The following DTNA variants were observed in gnomAD, a reference collection of about 807,000 sequenced individuals.
DTNA encodes dystrobrevin alpha.
Under a neutral mutation model 100.7 loss-of-function variants are expected in DTNA, and 43 were observed. That is an observed-to-expected ratio of 0.43 (90% CI 0.33 to 0.55). The LOEUF (loss-of-function observed/expected upper bound fraction) is 0.55, where lower values mean the gene tolerates loss of function less well. Among genes scored for constraint, DTNA ranks in the 20% least tolerant of loss-of-function variants. The probability of loss-of-function intolerance (pLI) is 0.04; values close to 1 mark genes in which losing one functional copy is unlikely to be tolerated. For synonymous variants in DTNA, 349 were observed against 347.9 expected (o/e 1.00, Z -0.04); for missense variants, 798 against 953.9 (o/e 0.84, Z 2.15).
chr18:34,495,177 C>T (rs2039052532), intron 1 of DTNA, among the ~76,000 whole-genome samples: 1 of 152,204 alleles, frequency 6.6e-6, no homozygotes, highest in African/African-American at 2.4e-5. Flanking sequence ...CTGACCACAT[C>T]TTTCTATGAA....
At position 34,842,516 on chromosome 18, in the gene DTNA, G is replaced by A. The variant is rs79540549; in HGVS notation, c.1346+3679G>A. On this transcript the variant is annotated intron_variant, in intron 13 of 22. Transcript: ENST00000444659. ...CACCATGGTGTACAAACCTGCATGTGACTTAGCCCTTGCCTACTCCTTTCT... is the reference window on the plus strand; with the variant it reads ...CACCATGGTGTACAAACCTGCATGTAACTTAGCCCTTGCCTACTCCTTTCT... Among the ~76,000 whole-genome samples the A allele has an allele frequency of 7.7e-3, 1,165 of 152,162 alleles. 11 individuals carry two copies. Among genetic ancestry groups the A allele is most frequent in the African/African-American group, 0.027 (1,102 of 41,524 alleles).
At chr18:34,499,192 T>C (rs1278712137) in intron 1 of DTNA, among the ~76,000 whole-genome samples, 1 of 152,230 alleles carries the variant, frequency 6.6e-6, no homozygotes, top group Non-Finnish European at 1.5e-5. Context: ...TCTATTTCTA[T>C]AATTTTGTCA....
intron 1 of DTNA, chr18:34,755,648 A>G: frequency 3.1e-6 from 1 of 318,610 alleles, no homozygotes; most frequent in Non-Finnish European, 6.0e-6. Context: ...TAAAATTGAA[A>G]GAGAAACTGA....
chr18:34,856,545 C>T (rs1428072512), intron 15 of DTNA, among the ~76,000 whole-genome samples: 1 of 152,158 alleles, frequency 6.6e-6, no homozygotes, highest in Non-Finnish European at 1.5e-5. Flanking sequence ...CTTGGCTAGA[C>T]CTAGCAAAGC....
At chr18:34,515,527 A>G (rs1453481239) in intron 1 of DTNA, among the ~76,000 whole-genome samples, 3 of 152,128 alleles carry the variant, frequency 2.0e-5, no homozygotes, top group African/African-American at 7.2e-5. Context: ...TTGTGAAATA[A>G]GCCTTGTATT....
At chr18:34,612,068 G>A (rs1244191073) in intron 1 of DTNA, among the ~76,000 whole-genome samples, 4 of 152,224 alleles carry the variant, frequency 2.6e-5, no homozygotes, top group African/African-American at 9.6e-5. Context: ...ACTGCAGCCA[G>A]CTGACACGGG....
chr18:34,889,476 C>T lies in DTNA; in HGVS notation c.*1742C>T. The T allele has an allele frequency of 7.1e-6, 7 of 985,398 alleles. No homozygotes were observed. Among genetic ancestry groups the T allele is most frequent in the Non-Finnish European group, 8.4e-6 (7 of 829,934 alleles). The allele number at this position is 985,398 out of a possible 1,614,324, so 61.0% of individuals were successfully genotyped here. On this transcript the variant is annotated 3_prime_UTR_variant, in exon 23 of 23. Transcript: ENST00000444659. ...CTGAAAAGGCCTTATTCAGAATAAG[C>T]AAGAAAGGTTCTGTGATTCACTTTT...
chr18:34,737,665 G>A (rs1294485451), intron 1 of DTNA: 1 of 152,152 alleles, frequency 6.6e-6, no homozygotes, highest in Admixed American at 6.5e-5. Context: ...GATTCATCCT[G>A]TGTGTTTACC....
At chr18:34,671,490 G>T (rs11660285) in intron 1 of DTNA, among the ~76,000 whole-genome samples, 17,941 of 152,160 alleles carry the variant, frequency 0.12, 1,143 homozygotes, top group Non-Finnish European at 0.14. Context: ...GCTCACGCTG[G>T]GAGCTGTAGA....
At chr18:34,764,970 G>T (rs2093392537) in intron 2 of DTNA, among the ~76,000 whole-genome samples, 1 of 152,198 alleles carries the variant, frequency 6.6e-6, no homozygotes, top group South Asian at 2.1e-4. Context: ...CTCATTCAAA[G>T]GAGGGTGGGA....
chr18:34,567,944 T>G (rs2047229622), intron 1 of DTNA, among the ~76,000 whole-genome samples: 1 of 152,166 alleles, frequency 6.6e-6, no homozygotes, highest in Non-Finnish European at 1.5e-5. Flanking sequence ...AAAATACAAT[T>G]TTATGTTATT....
intron 5 of DTNA, among the ~76,000 whole-genome samples, chr18:34,811,337 A>G (rs2095481542): frequency 6.6e-6 from 1 of 152,200 alleles, no homozygotes; most frequent in Admixed American, 6.5e-5. Context: ...CCTCTTCACT[A>G]CACGAGTCAG....
intron 1 of DTNA, among the ~76,000 whole-genome samples, chr18:34,537,159 T>C (rs996773491): frequency 6.6e-6 from 1 of 152,014 alleles, no homozygotes; most frequent in African/African-American, 2.4e-5. Context: ...TTTAATTTTT[T>C]AAATGCTGGT....
At chr18:34,586,989 T>TC (rs1438548488) in intron 1 of DTNA, among the ~76,000 whole-genome samples, 5 of 150,508 alleles carry the variant, frequency 3.3e-5, no homozygotes, top group African/African-American at 1.2e-4. Flanking sequence ...GGAGACAAGG[T>TC]CTTTCTCTGT....
Position 34,879,740 on chromosome 18 carries a change from A to G in DTNA, c.2162+21A>G, listed in dbSNP as rs2288085. On this transcript the variant is annotated intron_variant, in intron 20 of 22. Transcript: ENST00000444659. ...GACATGTGAGTATCTTCCGCTTGGA[A>G]GCATTTTCTCAGTAACAAAACAATC... 0.23 allele frequency: 369,192 copies of G among 1,612,842 alleles called. 45,337 individuals are homozygous for G. Among genetic ancestry groups the G allele is most frequent in the African/African-American group, 0.47 (34,943 of 74,860 alleles).
intron 4 of DTNA, among the ~76,000 whole-genome samples, chr18:34,801,924 C>T (rs1246276267): frequency 1.3e-5 from 2 of 152,320 alleles, no homozygotes; most frequent in South Asian, 2.1e-4. Flanking sequence ...CAAAGAAAGA[C>T]TTACATGGCC....
intron 1 of DTNA, among the ~76,000 whole-genome samples, chr18:34,560,858 G>T (rs2046568885): frequency 6.6e-6 from 1 of 152,180 alleles, no homozygotes; most frequent in South Asian, 2.1e-4. Flanking sequence ...AGATATGGAG[G>T]TTGCAGTGAG....
At chr18:34,688,393 A>G (rs2079217176) in intron 1 of DTNA, among the ~76,000 whole-genome samples, 1 of 152,154 alleles carries the variant, frequency 6.6e-6, no homozygotes, top group Admixed American at 6.6e-5. Flanking sequence ...TTTCTCCTTC[A>G]CTTATGAAGC....
At chr18:34,863,307 A>G (rs1397347952) in intron 16 of DTNA, among the ~76,000 whole-genome samples, 2 of 152,218 alleles carry the variant, frequency 1.3e-5, no homozygotes, top group Non-Finnish European at 2.9e-5. Context: ...ACAGTTTAAT[A>G]AAAGGTCTGT....
Sources: allele counts gnomAD v4.1 joint callset (sites outside exome capture counted in the v4.1 genomes callset), GRCh38; gene constraint gnomAD v4.1.1; transcripts MANE v1.5; gene names NCBI Gene and HGNC (gene_info 2026-07-23, HGNC 2026-07-21).